The following MAPKAPK5 variants were observed in gnomAD, a reference collection of about 807,000 sequenced individuals.
The protein encoded by MAPKAPK5 is MAPK activated protein kinase 5.
A neutral mutation model predicts 65.1 loss-of-function variants in MAPKAPK5; 30 were observed. That is an observed-to-expected ratio of 0.46 (90% CI 0.34 to 0.63). MAPKAPK5 has a LOEUF of 0.63. Ranked by LOEUF, MAPKAPK5 falls within the 20% of genes least tolerant of loss-of-function variation. The probability of loss-of-function intolerance (pLI) is 0.01; values close to 1 mark genes in which losing one functional copy is unlikely to be tolerated. For synonymous variants in MAPKAPK5, 179 were observed against 204.6 expected (o/e 0.87, Z 1.07); for missense variants, 433 against 581.4 (o/e 0.74, Z 2.63).
chr12:111,852,181 AT>A (rs753995183), intron 1 of MAPKAPK5, among the ~76,000 whole-genome samples: 1 of 152,194 alleles, frequency 6.6e-6, no homozygotes, highest in African/African-American at 2.4e-5. Flanking sequence ...AAGGATTAGT[AT>A]TGTATAGAAA....
chr12:111,849,255 C>CTT (rs112897636), intron 1 of MAPKAPK5, among the ~76,000 whole-genome samples: 5 of 139,160 alleles, frequency 3.6e-5, no homozygotes, highest in African/African-American at 1.1e-4. Context: ...TTTTTTCTTT[C>CTT]TTTTTTTTTT....
At chr12:111,867,952 T>G (rs1427707772) in intron 4 of MAPKAPK5, among the ~76,000 whole-genome samples, 1 of 152,204 alleles carries the variant, frequency 6.6e-6, no homozygotes, top group Non-Finnish European at 1.5e-5. Context: ...CCCCTACCAC[T>G]CTTCACATCC....
At chr12:111,868,904 G>C (rs1278812201) in intron 5 of MAPKAPK5, 43 bp downstream of exon 5, 1 of 1,441,888 alleles carries the variant, frequency 6.9e-7, no homozygotes, top group Admixed American at 2.3e-5. Context: ...ACCAAAGTTG[G>C]TTAACAAGCA....
chr12:111,851,538 T>C (rs1219832196), intron 1 of MAPKAPK5, among the ~76,000 whole-genome samples: 2 of 149,906 alleles, frequency 1.3e-5, no homozygotes, highest in African/African-American at 2.5e-5. Flanking sequence ...TTTGCCCAGG[T>C]TGGTCTCGAA....
chr12:111,883,488 T>C lies in MAPKAPK5; in HGVS notation c.661-93T>C. On this transcript the variant is annotated intron_variant, in intron 8 of 13. Coordinates refer to ENST00000550735, the MANE Select transcript of MAPKAPK5 (RefSeq NM_003668.4). This position sits in a 1 kb window ranked among gnomAD's most constrained non-coding sequence, Gnocchi z 4.8. ...AGTGACTCTAGTTTATATCAGCCTA[T>C]ATATTGCAGGGGCTATTCCTGAGCC... is the stretch of plus-strand genomic sequence containing the variant. The C allele has an allele frequency of 2.9e-6, 3 of 1,050,358 alleles. No individual in the cohort carries two copies. Among genetic ancestry groups the C allele is most frequent in the South Asian group, 3.1e-5 (2 of 65,562 alleles). 65.1% of individuals were successfully genotyped at this position (1,050,358 alleles called of 1,614,324 possible). A position where few individuals can be genotyped will look rare whatever the true frequency, so the allele number is the denominator to read the frequency against.
intron 13 of MAPKAPK5, among the ~76,000 whole-genome samples, chr12:111,892,228 T>G (rs953898231): frequency 1.3e-5 from 2 of 152,204 alleles, no homozygotes; most frequent in African/African-American, 4.8e-5. Context: ...ATTTCCAGAT[T>G]TGGGGAATTA....
intron 5 of MAPKAPK5, among the ~76,000 whole-genome samples, chr12:111,870,026 C>T (rs1303316324): frequency 6.6e-6 from 1 of 152,182 alleles, no homozygotes; most frequent in Non-Finnish European, 1.5e-5. Flanking sequence ...TCAGTTTATT[C>T]TGACAAAGAA....
chr12:111,881,699 C>T (rs541804272), intron 8 of MAPKAPK5, among the ~76,000 whole-genome samples: 2 of 152,302 alleles, frequency 1.3e-5, no homozygotes, highest in African/African-American at 4.8e-5. Context: ...AGCCACCGTG[C>T]CCAGCCGATC....
chr12:111,889,975 C>G (rs561620137), intron 12 of MAPKAPK5, 65 bp from the exon 13 acceptor site: 1 of 992,316 alleles, frequency 1.0e-6, no homozygotes, highest in African/African-American at 1.6e-5. Flanking sequence ...GTCCCTCCAT[C>G]TCTCACACTA....
At chr12:111,852,542 G>T (rs12307192) in intron 1 of MAPKAPK5, among the ~76,000 whole-genome samples, 29,738 of 152,128 alleles carry the variant, frequency 0.2, 3,119 homozygotes, top group Middle Eastern at 0.27. Flanking sequence ...TCTGTTGTCA[G>T]TATGGTTAAC....
intron 1 of MAPKAPK5, among the ~76,000 whole-genome samples, chr12:111,860,257 C>G (rs1593139719): frequency 6.6e-6 from 1 of 152,132 alleles, no homozygotes; most frequent in Non-Finnish European, 1.5e-5. Context: ...GCTATACCCC[C>G]CTGATCAATG....
At chr12:111,871,992 A>G (rs1050751262) in intron 7 of MAPKAPK5, among the ~76,000 whole-genome samples, 1 of 152,204 alleles carries the variant, frequency 6.6e-6, no homozygotes, top group Non-Finnish European at 1.5e-5. Flanking sequence ...AGATTTGTCC[A>G]TGTTCCTGCA....
At chr12:111,888,406 C>G in intron 10 of MAPKAPK5, 82 bp from the exon 11 acceptor site, 1 of 1,555,000 alleles carries the variant, frequency 6.4e-7, no homozygotes. Context: ...GTACTTTGAG[C>G]TTTTCCTTTC....
chr12:111,883,524 T>G lies in MAPKAPK5; in HGVS notation c.661-57T>G. On this transcript the variant is annotated intron_variant, in intron 8 of 13. Transcript: ENST00000550735. This position sits in a 1 kb window ranked among gnomAD's most constrained non-coding sequence, Gnocchi z 4.8. ...GGCTATTCCTGAGCCTGTCATGGGG[T>G]GTTTATTTGGGGGCTCTGCTTCTGC... is the stretch of plus-strand genomic sequence containing the variant. The G allele has an allele frequency of 1.4e-6, 2 of 1,473,046 alleles. No individual in the cohort carries two copies. The highest frequency in any genetic ancestry group is 1.9e-6 in the Non-Finnish European group (2 of 1,065,898). 91.2% of individuals were successfully genotyped at this position (1,473,046 alleles called of 1,614,324 possible). A position where few individuals can be genotyped will look rare whatever the true frequency, so the allele number is the denominator to read the frequency against.
chr12:111,848,958 C>G (rs2068986194), intron 1 of MAPKAPK5, among the ~76,000 whole-genome samples: 2 of 151,664 alleles, frequency 1.3e-5, no homozygotes, highest in Non-Finnish European at 2.9e-5. Flanking sequence ...GAGATGAGGT[C>G]TTCACCATGT....
Position 111,895,243 on chromosome 12 carries a change from T to C in MAPKAPK5, c.*2182T>C, listed in dbSNP as rs987422481. ...TCCTGAGTAGCTGGGACTATACAGG[T>C]GCCCGCCACCGCGCCCGGCTAATTT... On this transcript the variant is annotated 3_prime_UTR_variant, in exon 14 of 14. Coordinates refer to ENST00000550735, the MANE Select transcript of MAPKAPK5 (RefSeq NM_003668.4). The C allele has an allele frequency of 3.3e-5, 5 of 150,854 alleles. No individual in the cohort carries two copies. In the East Asian group the frequency reaches 9.9e-4, roughly 30 times the overall value. 9.3% of individuals were successfully genotyped at this position (150,854 alleles called of 1,614,324 possible).
In MAPKAPK5 at chr12:111,901,666, G is replaced by A. The variant is rs965954393; in HGVS notation, c.*8605G>A. On this transcript the variant is annotated 3_prime_UTR_variant, in exon 14 of 14. Transcript: ENST00000550735. The stretch of plus-strand genomic sequence containing the variant: ...AAGAGAAGGAGGAAGAAAAAGAAGA[G>A]GAGGAGGAGGAAGAAGAGGAGGAAG... 3.8e-6 allele frequency: 1 copy of A among 263,748 alleles called. No homozygotes were observed. The highest frequency in any genetic ancestry group is 7.4e-6 in the Non-Finnish European group (1 of 134,236). The allele number at this position is 263,748 out of a possible 1,614,324, so 16.3% of individuals were successfully genotyped here.
rs2070835021 is a variant in MAPKAPK5, at chr12:111,896,739, C to T, written c.*3678C>T. The stretch of plus-strand genomic sequence containing the variant: ...AATCAGATACTTTTAGACTTTACCA[C>T]AGTTATAAAAGTCAGCTTGATGTAG... On this transcript the variant is annotated 3_prime_UTR_variant, in exon 14 of 14. Coordinates refer to ENST00000550735, the MANE Select transcript of MAPKAPK5 (RefSeq NM_003668.4). 6.6e-6 allele frequency: 1 copy of T among 152,176 alleles called. No individual in the cohort carries two copies. Among genetic ancestry groups the T allele is most frequent in the African/African-American group, 2.4e-5 (1 of 41,444 alleles). 9.4% of individuals were successfully genotyped at this position (152,176 alleles called of 1,614,324 possible).
At chr12:111,848,165 T>A (rs1282049332) in intron 1 of MAPKAPK5, among the ~76,000 whole-genome samples, 2 of 152,220 alleles carry the variant, frequency 1.3e-5, no homozygotes, top group African/African-American at 4.8e-5. Flanking sequence ...CCGAACTGTT[T>A]TCCAAAGTGG....
Sources: allele counts gnomAD v4.1 joint callset (sites outside exome capture counted in the v4.1 genomes callset), GRCh38; gene constraint gnomAD v4.1.1; non-coding constraint Gnocchi (gnomAD v3.1); transcripts MANE v1.5; gene names NCBI Gene and HGNC (gene_info 2026-07-23, HGNC 2026-07-21).